NALCN: variants seen among roughly 807,000 people sequenced by gnomAD.
The protein encoded by NALCN is sodium leak channel, non-selective.
A neutral mutation model predicts 225.3 loss-of-function variants in NALCN; 111 were observed. The observed-to-expected ratio is 0.49, with a 90% CI of 0.42 to 0.58. The LOEUF is 0.58. Ranked by LOEUF, NALCN falls within the 20% of genes least tolerant of loss-of-function variation. NALCN has a pLI of 0.00. For missense variants in NALCN, 1,378 were observed against 2,202.4 expected (o/e 0.63, Z 7.49); for synonymous variants, 764 against 769.0 (o/e 0.99, Z 0.11).
At chr13:101,279,201 G>A (rs2043064793) in intron 10 of NALCN, among the ~76,000 whole-genome samples, 1 of 152,160 alleles carries the variant, frequency 6.6e-6, no homozygotes, top group Non-Finnish European at 1.5e-5. Context: ...ATGTAACAGA[G>A]GTACCTGGCT....
chr13:101,076,268 A>G (rs1176390784), intron 34 of NALCN, among the ~76,000 whole-genome samples: 1 of 152,188 alleles, frequency 6.6e-6, no homozygotes, highest in African/African-American at 2.4e-5. Flanking sequence ...CAACATAGGA[A>G]GGTCAACTGA....
intron 42 of NALCN, chr13:101,058,725 AATC>A (rs1340393763): frequency 6.6e-6 from 1 of 151,032 alleles, no homozygotes; most frequent in Non-Finnish European, 1.5e-5. Context: ...AGGGCTCTGA[AATC>A]ATCACTTTCC....
chr13:101,224,948 C>T (rs779472867), intron 13 of NALCN, among the ~76,000 whole-genome samples: 1 of 152,130 alleles, frequency 6.6e-6, no homozygotes, highest in Non-Finnish European at 1.5e-5. Flanking sequence ...AAAGTAGCCA[C>T]GTTGACTACC....
intron 15 of NALCN, among the ~76,000 whole-genome samples, chr13:101,156,171 A>T (rs2037892671): frequency 6.8e-6 from 1 of 148,010 alleles, no homozygotes; most frequent in African/African-American, 2.5e-5. Context: ...ACTTCTATCT[A>T]TTTTGTTTGT....
At chr13:101,057,521 A>G (rs2031412453) in intron 43 of NALCN, 1 of 234,176 alleles carries the variant, frequency 4.3e-6, no homozygotes. Flanking sequence ...AAGTGTGCTG[A>G]GAGAAATCGG....
chr13:101,266,705 A>G (rs2042607584), intron 10 of NALCN, among the ~76,000 whole-genome samples: 1 of 152,250 alleles, frequency 6.6e-6, no homozygotes, highest in Non-Finnish European at 1.5e-5. Context: ...TTACATGATG[A>G]AATTCTCAGA....
intron 15 of NALCN, among the ~76,000 whole-genome samples, chr13:101,169,791 C>T (rs1172222830): frequency 3.9e-5 from 6 of 152,146 alleles, no homozygotes; most frequent in Admixed American, 3.9e-4. Flanking sequence ...TTAGTTGCCA[C>T]GTCTTTAATA....
At chr13:101,314,815 T>C (rs504050) in intron 7 of NALCN, among the ~76,000 whole-genome samples, 61,987 of 152,046 alleles carry the variant, frequency 0.41, 13,003 homozygotes, top group Middle Eastern at 0.47. Flanking sequence ...CAAAGGCAGG[T>C]GAGCAAAGCT....
At chr13:101,413,743 CA>C (rs1457186793) in intron 1 of NALCN, among the ~76,000 whole-genome samples, 1 of 151,230 alleles carries the variant, frequency 6.6e-6, no homozygotes, top group East Asian at 1.9e-4. Flanking sequence ...CTTTAAAATT[CA>C]AAAAATCAAT....
At chr13:101,383,746 A>T (rs959229387) in intron 3 of NALCN, among the ~76,000 whole-genome samples, 2 of 152,240 alleles carry the variant, frequency 1.3e-5, no homozygotes, top group Non-Finnish European at 2.9e-5. Flanking sequence ...TAACCATGAA[A>T]GATCACAGAC....
chr13:101,355,846 A>T (rs529663994), intron 6 of NALCN, among the ~76,000 whole-genome samples: 1 of 152,318 alleles, frequency 6.6e-6, no homozygotes, highest in African/African-American at 2.4e-5. Flanking sequence ...CATAACAAAC[A>T]GTCTCTCAGA....
intron 37 of NALCN, 96 bp from the exon 38 acceptor site, chr13:101,068,923 T>G: frequency 2.3e-6 from 3 of 1,283,078 alleles, no homozygotes; most frequent in African/African-American, 1.5e-5. Flanking sequence ...CCTAAACATA[T>G]AGCATATAAT....
At chr13:101,069,238 A>G (rs1214229783) in intron 37 of NALCN, among the ~76,000 whole-genome samples, 5 of 152,236 alleles carry the variant, frequency 3.3e-5, no homozygotes, top group African/African-American at 1.2e-4. Flanking sequence ...CTACAGGTAT[A>G]CCTCGGAGAC....
chr13:101,240,482 TA>T (rs1438094731), intron 11 of NALCN, among the ~76,000 whole-genome samples: 4 of 152,052 alleles, frequency 2.6e-5, no homozygotes, highest in African/African-American at 9.7e-5. Flanking sequence ...TTAATTCTAA[TA>T]TTTTTCATAA....
chr13:101,179,619 C>G (rs75929711), intron 14 of NALCN, among the ~76,000 whole-genome samples: 1 of 152,134 alleles, frequency 6.6e-6, no homozygotes, highest in Non-Finnish European at 1.5e-5. Context: ...CCTCCATCCC[C>G]CATCAGGGGA....
chr13:101,355,106 C>A (rs573663870), intron 6 of NALCN, among the ~76,000 whole-genome samples: 2 of 152,286 alleles, frequency 1.3e-5, no homozygotes, highest in East Asian at 3.9e-4. Context: ...CGTGATGTGC[C>A]TGCTCCCCGT....
chr13:101,228,195 A>G (rs914617960), intron 13 of NALCN, among the ~76,000 whole-genome samples: 2 of 152,224 alleles, frequency 1.3e-5, no homozygotes, highest in African/African-American at 2.4e-5. Context: ...TGCATTATAA[A>G]AGGATGAATT....
At chr13:101,135,526 G>A (rs1297391941) in intron 17 of NALCN, among the ~76,000 whole-genome samples, 4 of 152,164 alleles carry the variant, frequency 2.6e-5, no homozygotes, top group Non-Finnish European at 4.4e-5. Context: ...AGCCTCCCGA[G>A]TAGCTGGGAC....
intron 15 of NALCN, among the ~76,000 whole-genome samples, chr13:101,174,872 C>A (rs893625717): frequency 4.6e-5 from 7 of 152,100 alleles, no homozygotes; most frequent in African/African-American, 1.7e-4. Flanking sequence ...TGCATAATAA[C>A]CATGGCATGA....
Sources: allele counts gnomAD v4.1 joint callset (sites outside exome capture counted in the v4.1 genomes callset), GRCh38; gene constraint gnomAD v4.1.1; transcripts MANE v1.5; gene names NCBI Gene and HGNC (gene_info 2026-07-23, HGNC 2026-07-21).